MARVELD2: variants seen among roughly 807,000 people sequenced by gnomAD.
The protein encoded by MARVELD2 is MARVEL domain containing 2, also known as MARVEL domain-containing protein 2.
In MARVELD2, 49 loss-of-function variants were observed where a neutral mutation model predicts 57.6. The ratio of observed to expected loss-of-function variants is 0.85; its 90% CI spans 0.68 to 1.08. MARVELD2 has a LOEUF of 1.08. MARVELD2 is among the 50% of genes least tolerant of loss of function. MARVELD2 has a pLI of 0.00. For synonymous variants in MARVELD2, 238 were observed against 258.8 expected (o/e 0.92, Z 0.77); for missense variants, 606 against 701.1 (o/e 0.86, Z 1.53).
In MARVELD2 at chr5:69,419,838, C is replaced by T. The variant is rs147493796; in HGVS notation, c.453C>T (p.Asp151=). Residue 151 remains aspartate, a synonymous_variant, in exon 2 of 7, where the codon GAC becomes GAT. Transcript: ENST00000325631. ...EGTFSSRKEA[D]AVFPRDPYGS... is the part of the protein sequence containing the mutation. The stretch of plus-strand genomic sequence containing the variant: ...CCTTTAGTTCCCGGAAAGAGGCTGA[C>T]GCAGTGTTTCCCCGGGATCCCTATG... 1,324 of 1,614,174 alleles carry T rather than the reference C, an allele frequency of 8.2e-4. 1 individual carries two copies. Among genetic ancestry groups the T allele is most frequent in the Non-Finnish European group, 1.0e-3 (1,227 of 1,180,038 alleles).
At position 69,419,429 on chromosome 5, in the gene MARVELD2, A is replaced by G; in HGVS notation, c.44A>G (p.Asp15Gly). 6.2e-7 allele frequency: 1 copy of G among 1,614,196 alleles called. No individual in the cohort carries two copies. ...GRSRNRDRRY[D>G]EVPSDLPYQD... ...TCCAGGAATCGGGACAGGCGCTACGATGAGGTCCCAAGCGACCTGCCCTAT... is the reference window on the plus strand; with the variant it reads ...TCCAGGAATCGGGACAGGCGCTACGGTGAGGTCCCAAGCGACCTGCCCTAT... Residue 15 changes from aspartate to glycine, a missense_variant, in exon 2 of 7, where the codon GAT becomes GGT. Asp to Gly is a moderately conservative substitution (Grantham distance 94). Transcript: ENST00000325631.
At position 69,441,864 on chromosome 5, in the gene MARVELD2, A is replaced by G. The variant is rs886060737; in HGVS notation, c.*210A>G. 43 of 371,726 alleles carry G rather than the reference A, an allele frequency of 1.2e-4. No homozygotes were observed. Among genetic ancestry groups the G allele is most frequent in the Middle Eastern group, 8.4e-4 (1 of 1,192 alleles). 23.0% of individuals were successfully genotyped at this position (371,726 alleles called of 1,614,324 possible). ...GCTGCCACACCCCGCTAATTTTTGT[A>G]TTTTTAGTAGAGACGAGGTTTCACC... On this transcript the variant is annotated 3_prime_UTR_variant, in exon 7 of 7. Coordinates refer to ENST00000325631, the MANE Select transcript of MARVELD2 (RefSeq NM_001038603.3).
rs35496654 is a variant in MARVELD2, at chr5:69,420,051, C to T, written c.666C>T (p.Tyr222=). The T allele has an allele frequency of 8.1e-6, 13 of 1,613,976 alleles. No individual in the cohort carries two copies. The African/African-American group carries it at 1.5e-4, about 18-fold the overall frequency. Residue 222 remains tyrosine, a synonymous_variant, in exon 2 of 7, where the codon TAC becomes TAT. Coordinates refer to ENST00000325631, the MANE Select transcript of MARVELD2 (RefSeq NM_001038603.3). ...ACATTCACAAGGACAGTGAGTGGTA[C>T]AACTTGTTTGGATATTCACAACCGT... ...TAYIHKDSEW[Y]NLFGYSQPYG...
chr5:69,434,758 G>A (rs758861063), intron 5 of MARVELD2, among the ~76,000 whole-genome samples: 8 of 151,912 alleles, frequency 5.3e-5, no homozygotes, highest in South Asian at 2.1e-4. Context: ...GTGCCATGGC[G>A]CGATCTCGGC....
At chr5:69,438,272 T>TG (rs1219239424) in intron 5 of MARVELD2, among the ~76,000 whole-genome samples, 1 of 152,194 alleles carries the variant, frequency 6.6e-6, no homozygotes, top group Non-Finnish European at 1.5e-5. Flanking sequence ...AGACTCTAGA[T>TG]GGATGTTACA....
At chr5:69,439,831 G>A (rs1767275240) in intron 5 of MARVELD2, among the ~76,000 whole-genome samples, 1 of 151,872 alleles carries the variant, frequency 6.6e-6, no homozygotes, top group Admixed American at 6.6e-5. Context: ...TCTATGCATA[G>A]GTTTGCATGG....
intron 3 of MARVELD2, among the ~76,000 whole-genome samples, chr5:69,426,807 CT>C (rs1481991178): frequency 6.6e-6 from 1 of 152,104 alleles, no homozygotes; most frequent in Non-Finnish European, 1.5e-5. Flanking sequence ...GTAGCTGGGA[CT>C]ACAGGCATGC....
Position 69,419,237 on chromosome 5 carries a change from A to C in MARVELD2, c.-15-134A>C. 2 of 959,622 alleles carry C rather than the reference A, an allele frequency of 2.1e-6. 1 individual carries two copies. The highest frequency in any genetic ancestry group is 3.0e-5 in the South Asian group (2 of 66,824). The allele number at this position is 959,622 out of a possible 1,614,324, so 59.4% of individuals were successfully genotyped here. A position where few individuals can be genotyped will look rare whatever the true frequency, so the allele number is the denominator to read the frequency against. On this transcript the variant is annotated intron_variant, in intron 1 of 6. Transcript: ENST00000325631. ...CACCGTGCCCGGTATCATATTTATC[A>C]TTTTTGTATATCATAATAATTAGAC...
chr5:69,436,442 CACACACACACAT>C lies in MARVELD2; in HGVS notation c.1503+3351_1503+3362del, dbSNP rs1467223894. Among the ~76,000 whole-genome samples, 333 of 142,742 alleles carry C rather than the reference CACACACACACAT, an allele frequency of 2.3e-3. 2 individuals carry two copies. Among genetic ancestry groups the C allele is most frequent in the Middle Eastern group, 0.014 (4 of 288 alleles). The allele number at this position is 142,742 out of a possible 152,430, so 93.6% of individuals were successfully genotyped here. A position where few individuals can be genotyped will look rare whatever the true frequency, so the allele number is the denominator to read the frequency against. On this transcript the variant is annotated intron_variant, in intron 5 of 6. Coordinates refer to ENST00000325631, the MANE Select transcript of MARVELD2 (RefSeq NM_001038603.3). ...ACACACACACACACACACACACACA[CACACACACACAT>C]ATATATAAATTTTTTACCTGAGAAG...
chr5:69,419,090 T>C, intron 1 of MARVELD2: 2 of 476,268 alleles, frequency 4.2e-6, no homozygotes, highest in South Asian at 4.6e-5. Flanking sequence ...AACGCCTGGC[T>C]AGTTTTTGTA....
intron 3 of MARVELD2, among the ~76,000 whole-genome samples, chr5:69,430,313 G>A (rs182432117): frequency 6.6e-6 from 1 of 151,494 alleles, no homozygotes; most frequent in Non-Finnish European, 1.5e-5. Flanking sequence ...GTTGCAGTGA[G>A]TCGAGATCGT....
chr5:69,416,644 T>C (rs1365677162), intron 1 of MARVELD2, among the ~76,000 whole-genome samples: 1 of 152,238 alleles, frequency 6.6e-6, no homozygotes, highest in Non-Finnish European at 1.5e-5. Context: ...TGAAACAAGT[T>C]TGGCCATAAA....
At position 69,419,521 on chromosome 5, in the gene MARVELD2, T is replaced by C. The variant is rs761286508; in HGVS notation, c.136T>C (p.Leu46=). ...DSERAVSADP[L]PPPPLPLQPP... ...TGAGCGGGCAGTGAGCGCTGATCCC[T>C]TGCCACCACCCCCTCTCCCATTACA... is the stretch of plus-strand genomic sequence containing the variant. Residue 46 remains leucine (L), a synonymous_variant, in exon 2 of 7, where the codon TTG becomes CTG. Transcript: ENST00000325631. The C allele has an allele frequency of 1.2e-6, 2 of 1,614,028 alleles. No homozygotes were observed. The highest frequency in any genetic ancestry group is 1.7e-6 in the Non-Finnish European group (2 of 1,180,044).
intron 2 of MARVELD2, among the ~76,000 whole-genome samples, chr5:69,421,580 T>G (rs1766626808): frequency 6.6e-6 from 1 of 152,168 alleles, no homozygotes; most frequent in African/African-American, 2.4e-5. Flanking sequence ...ATCTTTTGCT[T>G]GAATCTGATG....
Position 69,420,333 on chromosome 5 carries a change from C to T in MARVELD2, c.948C>T (p.Asn316=), listed in dbSNP as rs1399977966. ...AAAIVYVNDT[N]RGGLCYYPLF... ...CCATAGTCTATGTGAATGATACCAA[C>T]CGAGGTGGCCTCTGCTACTATCCGT... The change falls in exon 2 of 7, where the codon AAC becomes AAT. Residue 316 remains asparagine, a synonymous_variant. Transcript: ENST00000325631. 1 of 1,614,220 alleles carries T rather than the reference C, an allele frequency of 6.2e-7. No homozygotes were observed. Among genetic ancestry groups the T allele is most frequent in the South Asian group, 1.1e-5 (1 of 91,088 alleles).
Position 69,433,069 on chromosome 5 carries a change from G to T in MARVELD2, c.1479G>T (p.Leu493Phe), listed in dbSNP as rs752765358. 6.2e-7 allele frequency: 1 copy of T among 1,613,228 alleles called. No individual in the cohort carries two copies. The highest frequency in any genetic ancestry group is 8.5e-7 in the Non-Finnish European group (1 of 1,179,642). The change falls in exon 5 of 7, where the codon TTG (leucine) becomes TTT (phenylalanine). Residue 493 changes from leucine to phenylalanine, a missense_variant. Physicochemically the swap from Leu to Phe is conservative, Grantham distance 22. Transcript: ENST00000325631. ...AGCTGGATGCAGTGATGAGCAGATTGCCACATCATTCGGAAAGCCGACAGG... is the reference window on the plus strand; with the variant it reads ...AGCTGGATGCAGTGATGAGCAGATTTCCACATCATTCGGAAAGCCGACAGG... ...FDELDAVMSRLPHHSESRQEH... is the reference protein window; with the variant it reads ...FDELDAVMSRFPHHSESRQEH...
chr5:69,437,379 CTT>C (rs1444992626), intron 5 of MARVELD2, among the ~76,000 whole-genome samples: 1 of 77,342 alleles, frequency 1.3e-5, no homozygotes, highest in African/African-American at 5.2e-5. Context: ...GAAACTCTGT[CTT>C]AAAAAAAAAA....
chr5:69,441,390 A>C, intron 6 of MARVELD2, 142 bp from the exon 7 acceptor site: 1 of 887,442 alleles, frequency 1.1e-6, no homozygotes, highest in Non-Finnish European at 1.7e-6. Context: ...AAATATGTAG[A>C]GAGCTTAACT....
Position 69,441,876 on chromosome 5 carries a change from G to C in MARVELD2, c.*222G>C, listed in dbSNP as rs1461769302. 1 of 346,204 alleles carries C rather than the reference G, an allele frequency of 2.9e-6. No homozygotes were observed. The highest frequency in any genetic ancestry group is 2.1e-5 in the African/African-American group (1 of 47,336). 21.4% of individuals were successfully genotyped at this position (346,204 alleles called of 1,614,324 possible). A position where few individuals can be genotyped will look rare whatever the true frequency, so the allele number is the denominator to read the frequency against. On this transcript the variant is annotated 3_prime_UTR_variant, in exon 7 of 7. Coordinates refer to ENST00000325631, the MANE Select transcript of MARVELD2 (RefSeq NM_001038603.3). ...CGCTAATTTTTGTATTTTTAGTAGAGACGAGGTTTCACCATGTTGGTCAGG... is the reference window on the plus strand; with the variant it reads ...CGCTAATTTTTGTATTTTTAGTAGACACGAGGTTTCACCATGTTGGTCAGG...
Sources: allele counts gnomAD v4.1 joint callset (sites outside exome capture counted in the v4.1 genomes callset), GRCh38; gene constraint gnomAD v4.1.1; transcripts MANE v1.5; gene names NCBI Gene and HGNC (gene_info 2026-07-23, HGNC 2026-07-21).